The following BMP4 variants were observed in gnomAD, a reference collection of about 807,000 sequenced individuals.
BMP4 encodes bone morphogenetic protein 4.
In BMP4, 3 loss-of-function variants were observed where a neutral mutation model predicts 29.6. The ratio of observed to expected loss-of-function variants is 0.10; its 90% confidence interval spans 0.05 to 0.26. The LOEUF (loss-of-function observed/expected upper bound fraction) is 0.26, where lower values mean the gene tolerates loss of function less well. Ranked by LOEUF, BMP4 falls within the 10% of genes least tolerant of loss-of-function variation. The pLI is 1.00. For synonymous variants in BMP4, 197 were observed against 213.2 expected, an observed-to-expected ratio of 0.92 and a Z score of 0.66; for missense variants, 455 against 550.2, an observed-to-expected ratio of 0.83 and a Z score of 1.73.
At position 53,950,517 on chromosome 14, in the gene BMP4, G is replaced by C; in HGVS notation, c.742C>G (p.Gln248Glu). 1 of 1,614,210 alleles carries C rather than the reference G, an allele frequency of 6.2e-7. No individual in the cohort carries two copies. Among genetic ancestry groups the C allele is most frequent in the African/African-American group, 1.3e-5 (1 of 75,076 alleles). The change falls in exon 4 of 4, where the codon CAG (glutamine) becomes GAG (glutamate). Residue 248 changes from glutamine to glutamate, a missense_variant. Transcript: ENST00000245451. This position sits in a 1 kb window ranked among gnomAD's most constrained non-coding sequence, Gnocchi z 5.4. Reference sequence around the variant, plus strand: ...CGGCTAATCCTGACATGCTGGCCCTGGTGGGTCCGAGTCTGATGGAGGTGA... The same window carrying C: ...CGGCTAATCCTGACATGCTGGCCCTCGTGGGTCCGAGTCTGATGGAGGTGA... ...VTHLHQTRTH[Q>E]GQHVRISRSL...
chr14:53,952,297 A>G, intron 2 of BMP4, 68 bp from the exon 3 acceptor site: 1 of 1,552,840 alleles, frequency 6.4e-7, no homozygotes, highest in Non-Finnish European at 8.8e-7. Context: ...AGAAATAGAG[A>G]TGTGTCTGCA....
chr14:53,956,555 G>A lies in BMP4; in HGVS notation c.-138C>T, dbSNP rs1895726999. The A allele has an allele frequency of 2.5e-6, 1 of 399,262 alleles. No homozygotes were observed. The highest frequency in any genetic ancestry group is 1.3e-4 in the South Asian group (1 of 7,866). 24.7% of individuals were successfully genotyped at this position (399,262 alleles called of 1,614,324 possible). A position where few individuals can be genotyped will look rare whatever the true frequency, so the allele number is the denominator to read the frequency against. ...CACCAGGTAGCCTTGCTCACCATAG[G>A]TCCCTGCAGTAGCGGGCTCGCCAGC... On this transcript the variant is annotated 5_prime_UTR_variant, in exon 1 of 4. Coordinates refer to ENST00000245451, the MANE Select transcript of BMP4 (RefSeq NM_001202.6).
In BMP4 at chr14:53,949,907, A is replaced by G. The variant is rs1895280922; in HGVS notation, c.*125T>C. On this transcript the variant is annotated 3_prime_UTR_variant, in exon 4 of 4. Coordinates refer to ENST00000245451, the MANE Select transcript of BMP4 (RefSeq NM_001202.6). ...CCTTTTTTTTTTTTTTTTTTAAATA[A>G]AAGTCCAGCTATAAGGAAGCAGTCT... 1.0e-6 allele frequency: 1 copy of G among 982,674 alleles called. No homozygotes were observed. The highest frequency in any genetic ancestry group is 1.4e-6 in the Non-Finnish European group (1 of 701,060). 60.9% of individuals were successfully genotyped at this position (982,674 alleles called of 1,614,324 possible).
At position 53,951,914 on chromosome 14, in the gene BMP4, A is replaced by G. The variant is rs1435770645; in HGVS notation, c.309T>C (p.Gly103=). 2 of 1,603,692 alleles carry G rather than the reference A, an allele frequency of 1.2e-6. No individual in the cohort carries two copies. The highest frequency in any genetic ancestry group is 1.7e-6 in the Non-Finnish European group (2 of 1,179,926). Residue 103 remains glycine (G), a synonymous_variant, in exon 3 of 4, where the codon GGT becomes GGC. Transcript: ENST00000245451. The stretch of plus-strand genomic sequence containing the variant: ...TGGCCGGGCGCTCAGGATACTCAAG[A>G]CCAGTGCTGTGGATCTGCTCTTCCT... ...EEEEEQIHST[G]LEYPERPASR...
rs756353828 is a variant in BMP4 at position 53,952,100 on chromosome 14, G to C, written c.123C>G (p.His41Gln). ...GKKKVAEIQG[H>Q]AGGRRSGQSH... ...TCTGCCCTGAGCGGCGTCCTCCCGC[G>C]TGGCCCTGAATCTCGGCGACTTTTT... The change falls in exon 3 of 4, where the codon CAC becomes CAG. Residue 41 changes from histidine to glutamine, a missense_variant. Around this residue, in one of 4 missense-constraint regions of BMP4, gnomAD observed 249 missense variants for 284.6 expected, o/e 0.87. Coordinates refer to ENST00000245451, the MANE Select transcript of BMP4 (RefSeq NM_001202.6). 2 of 1,613,732 alleles carry C rather than the reference G, an allele frequency of 1.2e-6. No individual in the cohort carries two copies. The highest frequency in any genetic ancestry group is 2.7e-5 in the African/African-American group (2 of 74,938).
intron 2 of BMP4, among the ~76,000 whole-genome samples, chr14:53,952,571 G>A (rs1239873718): frequency 6.6e-6 from 1 of 151,722 alleles, no homozygotes; most frequent in Non-Finnish European, 1.5e-5. Context: ...AGGATAAACA[G>A]TTAACATTGA....
Position 53,955,332 on chromosome 14 carries a change from A to G in BMP4, c.-133+1218T>C, listed in dbSNP as rs1264262165. Reference sequence around the variant, plus strand: ...CCCAAGGAATCTCCTGGGGCGGGAGAGCGCGGTTCTAAAACCGAGAGGATA... The same window carrying G: ...CCCAAGGAATCTCCTGGGGCGGGAGGGCGCGGTTCTAAAACCGAGAGGATA... On this transcript the variant is annotated intron_variant, in intron 1 of 3. Transcript: ENST00000245451. The surrounding 1 kb of genome is among the most constrained non-coding windows in gnomAD (Gnocchi z 4.0). 6.6e-6 allele frequency: 1 copy of G among 152,234 alleles called. No homozygotes were observed. The highest frequency in any genetic ancestry group is 2.4e-5 in the African/African-American group (1 of 41,464). 9.4% of individuals were successfully genotyped at this position (152,234 alleles called of 1,614,324 possible).
In BMP4 at chr14:53,954,571, T is replaced by C. The variant is rs1406262956; in HGVS notation, c.-132-1171A>G. On this transcript the variant is annotated intron_variant, in intron 1 of 3. Transcript: ENST00000245451. The surrounding 1 kb of genome is among the most constrained non-coding windows in gnomAD (Gnocchi z 4.8). ...TTCCTTCCCCCACCCCCTTCCTCCG[T>C]TGCACCAGCAGCAGAGTCGCACGCA... is the stretch of plus-strand genomic sequence containing the variant. 2.1e-5 allele frequency: 3 copies of C among 146,228 alleles called. No individual in the cohort carries two copies. Among genetic ancestry groups the C allele is most frequent in the African/African-American group, 7.5e-5 (3 of 40,072 alleles). The allele number at this position is 146,228 out of a possible 1,614,324, so 9.1% of individuals were successfully genotyped here.
In BMP4 at chr14:53,950,296, G is replaced by T. The variant is rs1390127949; in HGVS notation, c.963C>A (p.Gly321=). The change falls in exon 4 of 4, where the codon GGC becomes GGA. Residue 321 remains glycine (G), a synonymous_variant. Transcript: ENST00000245451. This position sits in a 1 kb window ranked among gnomAD's most constrained non-coding sequence, Gnocchi z 5.4. ...GTGGGGCCACAATCCAGTCATTCCA[G>T]CCCACATCGCTGAAGTCCACATAGA... ...HSLYVDFSDV[G]WNDWIVAPPG... is the part of the protein sequence containing the mutation. 6.2e-7 allele frequency: 1 copy of T among 1,614,220 alleles called. No individual in the cohort carries two copies. Among genetic ancestry groups the T allele is most frequent in the African/African-American group, 1.3e-5 (1 of 75,060 alleles).
intron 3 of BMP4, chr14:53,951,550 G>A (rs1040379430): frequency 5.4e-6 from 2 of 369,438 alleles, no homozygotes; most frequent in East Asian, 9.7e-5. Context: ...AAATTCAGTA[G>A]GTGCTTTGAA....
Position 53,950,380 on chromosome 14 carries a change from G to A in BMP4, c.879C>T (p.Ser293=), listed in dbSNP as rs1414549666. The A allele has an allele frequency of 5.0e-6, 8 of 1,613,772 alleles. No homozygotes were observed. The highest frequency in any genetic ancestry group is 3.3e-4 in the Middle Eastern group (2 of 6,060). Residue 293 remains serine (S), a synonymous_variant, in exon 4 of 4, where the codon AGC becomes AGT. Transcript: ENST00000245451. The surrounding 1 kb of genome is among the most constrained non-coding windows in gnomAD (Gnocchi z 5.4). ...TGGCCCGCTGTGAGTGATGCTTAGG[G>A]CTACGCTTGGCCCTCCGGCGTCGGG... The part of the protein sequence containing the change: ...ALTRRRRAKR[S]PKHHSQRARK...
At position 53,950,200 on chromosome 14, in the gene BMP4, G is replaced by T; in HGVS notation, c.1059C>A (p.Asn353Lys). ...FPLADHLNST[N>K]HAIVQTLVNS... ...TGACCAGGGTCTGCACAATGGCATG[G>T]TTGGTTGAGTTGAGGTGGTCAGCCA... Residue 353 changes from asparagine (N) to lysine (K), a missense_variant, in exon 4 of 4, where the codon AAC becomes AAA. Asn to Lys is a moderately conservative substitution (Grantham distance 94). Transcript: ENST00000245451. The surrounding 1 kb of genome is among the most constrained non-coding windows in gnomAD (Gnocchi z 5.4). 1 of 1,614,264 alleles carries T rather than the reference G, an allele frequency of 6.2e-7. No homozygotes were observed. Among genetic ancestry groups the T allele is most frequent in the Non-Finnish European group, 8.5e-7 (1 of 1,180,052 alleles).
intron 2 of BMP4, among the ~76,000 whole-genome samples, chr14:53,952,519 C>A (rs1332582459): frequency 1.3e-5 from 2 of 151,836 alleles, no homozygotes; most frequent in East Asian, 3.9e-4. Context: ...CTTTTTTTGT[C>A]CTAACTGCTA....
chr14:53,950,327 T>C lies in BMP4; in HGVS notation c.932A>G (p.His311Arg). ...ARKKNKNCRR[H>R]SLYVDFSDVG... ...ATCGCTGAAGTCCACATAGAGCGAG[T>C]GGCGCCGGCAGTTCTTATTCTTCTT... is the stretch of plus-strand genomic sequence containing the variant. The change falls in exon 4 of 4, where the codon CAC becomes CGC. Residue 311 changes from histidine to arginine, a missense_variant. His to Arg is a conservative substitution (Grantham distance 29). Around this residue, in one of 4 missense-constraint regions of BMP4, gnomAD observed 154 missense variants for 156.8 expected, o/e 0.98. Transcript: ENST00000245451. This position sits in a 1 kb window ranked among gnomAD's most constrained non-coding sequence, Gnocchi z 5.4. The C allele has an allele frequency of 6.2e-7, 1 of 1,614,072 alleles. No individual in the cohort carries two copies. The highest frequency in any genetic ancestry group is 8.5e-7 in the Non-Finnish European group (1 of 1,180,004).
At position 53,953,935 on chromosome 14, in the gene BMP4, C is replaced by A. The variant is rs10140018; in HGVS notation, c.-132-535G>T. 4.4e-3 allele frequency among the ~76,000 whole-genome samples: 666 copies of A among 151,582 alleles called. 4 individuals carry two copies. The highest frequency in any genetic ancestry group is 0.015 in the African/African-American group (629 of 41,364). On this transcript the variant is annotated intron_variant, in intron 1 of 3. Coordinates refer to ENST00000245451, the MANE Select transcript of BMP4 (RefSeq NM_001202.6). ...CACGCGCGTGTACACACACACCCCC[C>A]CACACACACACAAGCAAACACGAGC...
chr14:53,951,170 CT>C (rs2140236295), intron 3 of BMP4, among the ~76,000 whole-genome samples: 1 of 152,322 alleles, frequency 6.6e-6, no homozygotes, highest in East Asian at 1.9e-4. Flanking sequence ...GTCAACTCCT[CT>C]ATGGCACCAC....
chr14:53,953,120 C>T (rs1378637419), intron 2 of BMP4, among the ~76,000 whole-genome samples, 156 bp downstream of exon 2: 4 of 152,170 alleles, frequency 2.6e-5, no homozygotes, highest in Non-Finnish European at 4.4e-5. Context: ...ACGCTTCCAG[C>T]GCCCCGGCTG....
In BMP4 at chr14:53,950,637, T is replaced by G. The variant is rs747381784; in HGVS notation, c.622A>C (p.Asn208His). Reference sequence around the variant, plus strand: ...TCAAAAGTTTCCCACCGTGTCACATTGTGGTGGACCAGTCTCGTGTCCAGT... The same window carrying G: ...TCAAAAGTTTCCCACCGTGTCACATGGTGGTGGACCAGTCTCGTGTCCAGT... ...RLLDTRLVHH[N>H]VTRWETFDVS... is the part of the protein sequence containing the mutation. The change falls in exon 4 of 4, where the codon AAT (asparagine) becomes CAT (histidine). Residue 208 changes from asparagine (N) to histidine (H), a missense_variant. Around this residue, in one of 4 missense-constraint regions of BMP4, gnomAD observed 249 missense variants for 284.6 expected, o/e 0.87. Transcript: ENST00000245451. This position sits in a 1 kb window ranked among gnomAD's most constrained non-coding sequence, Gnocchi z 5.4. 3 of 1,614,256 alleles carry G rather than the reference T, an allele frequency of 1.9e-6. No individual in the cohort carries two copies. The highest frequency in any genetic ancestry group is 1.7e-6 in the Non-Finnish European group (2 of 1,180,042).
At position 53,949,949 on chromosome 14, in the gene BMP4, A is replaced by T. The variant is rs1031397261; in HGVS notation, c.*83T>A. On this transcript the variant is annotated 3_prime_UTR_variant, in exon 4 of 4. Coordinates refer to ENST00000245451, the MANE Select transcript of BMP4 (RefSeq NM_001202.6). ...AAGCAGTCTGTGTAGTGTGTGGGTGAGTGGATGGGAACGTGTGTGTGTGGT... is the reference window on the plus strand; with the variant it reads ...AAGCAGTCTGTGTAGTGTGTGGGTGTGTGGATGGGAACGTGTGTGTGTGGT... The T allele has an allele frequency of 1.0e-5, 14 of 1,349,888 alleles. 1 individual carries two copies. In the Admixed American group the frequency reaches 2.2e-4, roughly 21 times the overall value. 83.6% of individuals were successfully genotyped at this position (1,349,888 alleles called of 1,614,324 possible).
Sources: allele counts gnomAD v4.1 joint callset (sites outside exome capture counted in the v4.1 genomes callset), GRCh38; gene constraint gnomAD v4.1.1; regional missense constraint gnomAD v4.1.1; non-coding constraint Gnocchi (gnomAD v3.1); transcripts MANE v1.5; gene names NCBI Gene and HGNC (gene_info 2026-07-23, HGNC 2026-07-21).